Variants in C1QTNF3 observed in about 807,000 individuals in gnomAD.
C1QTNF3 encodes C1q and TNF related 3.
C1QTNF3 carries 26 observed loss-of-function variants against 32.6 expected under a neutral mutation model. The observed-to-expected ratio is 0.80, with a 90% CI of 0.58 to 1.11. C1QTNF3 has a LOEUF of 1.11. Among genes scored for constraint, C1QTNF3 ranks in the 50% least tolerant of loss-of-function variants. C1QTNF3 has a pLI of 0.00. For missense variants in C1QTNF3, 362 were observed against 398.2 expected (o/e 0.91, Z 0.77); for synonymous variants, 155 against 146.0 (o/e 1.06, Z -0.44).
the C1QTNF3 span, among the ~76,000 whole-genome samples, chr5:34,177,535 G>T: frequency 7.4e-6 from 1 of 134,786 alleles, no homozygotes; most frequent in Admixed American, 8.7e-5. Context: ...CGCCCAGGCT[G>T]GAGTGCAGTG....
the C1QTNF3 span, among the ~76,000 whole-genome samples, chr5:34,213,822 TGTG>T: frequency 0.23 from 4,150 of 18,352 alleles, 1,011 homozygotes; most frequent in Middle Eastern, 0.32. Flanking sequence ...TTTTTTTTTT[TGTG>T]TGTGTGATGG....
the C1QTNF3 span, among the ~76,000 whole-genome samples, chr5:34,195,839 CAA>C: frequency 2.3e-4 from 21 of 92,430 alleles, no homozygotes; most frequent in Admixed American, 6.9e-4. Context: ...GACTCTGTCT[CAA>C]AAAAAAAAAA....
the C1QTNF3 span, among the ~76,000 whole-genome samples, chr5:34,118,374 C>T: frequency 2.0e-5 from 3 of 152,118 alleles, no homozygotes; most frequent in South Asian, 2.1e-4. Flanking sequence ...CCACCATGTC[C>T]GGCCTATCAT....
chr5:34,232,607 G>A, the C1QTNF3 span, among the ~76,000 whole-genome samples: 3 of 151,508 alleles, frequency 2.0e-5, no homozygotes, highest in Non-Finnish European at 4.4e-5. Context: ...CCCTCCTTGT[G>A]CTCTCTCTCT....
the C1QTNF3 span, among the ~76,000 whole-genome samples, chr5:34,149,618 T>A: frequency 3.4e-4 from 1 of 2,980 alleles, no homozygotes; most frequent in Non-Finnish European, 5.2e-4. Context: ...GCTTCATGAG[T>A]GAAGGAGAAA....
the C1QTNF3 span, among the ~76,000 whole-genome samples, chr5:34,051,069 G>A: frequency 6.6e-6 from 1 of 152,158 alleles, no homozygotes; most frequent in Non-Finnish European, 1.5e-5. Context: ...TTTTGGGAAG[G>A]ACTCCTTACT....
At chr5:34,053,384 T>C in the C1QTNF3 span, among the ~76,000 whole-genome samples, 3 of 152,240 alleles carry the variant, frequency 2.0e-5, no homozygotes, top group Non-Finnish European at 4.4e-5. Flanking sequence ...AAAAGCATTC[T>C]TGGATTCTAA....
chr5:34,219,468 T>A, the C1QTNF3 span, among the ~76,000 whole-genome samples: 1 of 151,500 alleles, frequency 6.6e-6, no homozygotes, highest in Admixed American at 6.6e-5. Context: ...AGACACAGGG[T>A]AAGCATTTTC....
intron 5 of C1QTNF3, among the ~76,000 whole-genome samples, chr5:34,022,894 C>T (rs777593076): frequency 5.3e-5 from 8 of 152,232 alleles, no homozygotes; most frequent in Middle Eastern, 3.4e-3. Flanking sequence ...CTCGCTCTGT[C>T]GCCCAGGCTG....
At chr5:34,176,477 AC>A in the C1QTNF3 span, among the ~76,000 whole-genome samples, 6 of 152,158 alleles carry the variant, frequency 3.9e-5, no homozygotes, top group South Asian at 6.2e-4. Context: ...TTAAAAAAAA[AC>A]ATCAATTAGT....
the C1QTNF3 span, among the ~76,000 whole-genome samples, chr5:34,055,621 C>T: frequency 1.3e-5 from 2 of 152,212 alleles, no homozygotes; most frequent in Non-Finnish European, 2.9e-5. Context: ...ATCAAATTTA[C>T]ATTCCCTGGC....
chr5:34,054,637 A>C, the C1QTNF3 span, among the ~76,000 whole-genome samples: 1 of 152,244 alleles, frequency 6.6e-6, no homozygotes, highest in African/African-American at 2.4e-5. Flanking sequence ...TGAATTATGA[A>C]AGAGATTGTA....
chr5:34,066,156 A>C, the C1QTNF3 span, among the ~76,000 whole-genome samples: 317 of 152,238 alleles, frequency 2.1e-3, 1 homozygote, highest in African/African-American at 6.9e-3. Context: ...AACTCCTGTG[A>C]TCTTATCGGG....
chr5:34,034,486 C>A (rs1754690130), intron 2 of C1QTNF3, among the ~76,000 whole-genome samples: 1 of 152,230 alleles, frequency 6.6e-6, no homozygotes. Context: ...CCTTTGCCAA[C>A]AAGAGACAAT....
chr5:34,065,093 A>G, the C1QTNF3 span, among the ~76,000 whole-genome samples: 2 of 152,336 alleles, frequency 1.3e-5, no homozygotes, highest in African/African-American at 4.8e-5. Context: ...AACTATCAAC[A>G]GAGTAAACAG....
chr5:34,238,037 A>G, the C1QTNF3 span, among the ~76,000 whole-genome samples: 7,613 of 152,308 alleles, frequency 0.05, 240 homozygotes, highest in Non-Finnish European at 0.066. Flanking sequence ...ATCCTGCTAC[A>G]TATACACCTG....
Position 34,035,695 on chromosome 5 carries a change from G to A in C1QTNF3, c.367C>T (p.Arg123Ter), listed in dbSNP as rs759158354. Residue 123 changes from arginine (R) to a stop codon, truncating the protein, a stop_gained, in exon 2 of 6, where the codon CGA (arginine) becomes TGA (stop). Coordinates refer to ENST00000382065, the MANE Select transcript of C1QTNF3 (RefSeq NM_181435.6). LOFTEE classifies it high-confidence loss of function. ...SKCCHGDYSF[R>*]GYQGPPGPPG... ...GGCCCAGGGGGGCCTTGGTAGCCTCGAAAGCTGTAGTCTCCATGACAACAC... is the reference window on the plus strand; with the variant it reads ...GGCCCAGGGGGGCCTTGGTAGCCTCAAAAGCTGTAGTCTCCATGACAACAC... 2 of 1,611,744 alleles carry A rather than the reference G, an allele frequency of 1.2e-6. No homozygotes were observed. The highest frequency in any genetic ancestry group is 1.3e-5 in the African/African-American group (1 of 74,770).
At chr5:34,100,286 C>T in the C1QTNF3 span, among the ~76,000 whole-genome samples, 3 of 151,942 alleles carry the variant, frequency 2.0e-5, no homozygotes, top group East Asian at 3.9e-4. Context: ...GAAGTTCTAA[C>T]GACCCAATCA....
At chr5:34,108,370 T>C in the C1QTNF3 span, among the ~76,000 whole-genome samples, 4 of 152,140 alleles carry the variant, frequency 2.6e-5, no homozygotes, top group Non-Finnish European at 5.9e-5. Context: ...AAAGCAAGAT[T>C]AAGTACACTC....
Sources: gnomAD v4.1 joint callset for allele counts (sites outside exome capture counted in the v4.1 genomes callset) on GRCh38, gnomAD v4.1.1 for gene constraint, MANE v1.5 for transcripts, NCBI Gene and HGNC (gene_info 2026-07-23, HGNC 2026-07-21) for gene names.